Variants in MON2 observed in about 807,000 individuals in gnomAD.
MON2 encodes MON2 regulator of endosome-to-Golgi trafficking.
MON2 carries 84 observed loss-of-function variants against 208.6 expected under a neutral mutation model. The ratio of observed to expected loss-of-function variants is 0.40; its 90% confidence interval spans 0.34 to 0.48. MON2 has a LOEUF of 0.48. MON2 is among the 20% of genes least tolerant of loss of function. The probability of loss-of-function intolerance (pLI) is 0.59; values close to 1 mark genes in which losing one functional copy is unlikely to be tolerated. For synonymous variants in MON2, 660 were observed against 694.0 expected (o/e 0.95, Z 0.77); for missense variants, 1,611 against 2,015.4 (o/e 0.80, Z 3.84).
At chr12:62,560,380 C>A in intron 25 of MON2, 111 bp from the exon 26 acceptor site, 1 of 1,068,998 alleles carries the variant, frequency 9.4e-7, no homozygotes, top group Non-Finnish European at 1.3e-6. Context: ...TTTTCCAGTT[C>A]TGTAGGATTT....
At position 62,597,045 on chromosome 12, in the gene MON2, C is replaced by G. The variant is rs2075540905; in HGVS notation, c.*4296C>G. On this transcript the variant is annotated 3_prime_UTR_variant, in exon 35 of 35. Coordinates refer to ENST00000393630, the MANE Select transcript of MON2 (RefSeq NM_015026.3). ...TCAAAGCGGTTTCCTTATTTCTAAACAGAGATGATGATCAATGAGTTACTA... is the reference window on the plus strand; with the variant it reads ...TCAAAGCGGTTTCCTTATTTCTAAAGAGAGATGATGATCAATGAGTTACTA... 6.6e-6 allele frequency: 1 copy of G among 152,114 alleles called. No homozygotes were observed. The highest frequency in any genetic ancestry group is 1.5e-5 in the Non-Finnish European group (1 of 68,026). The allele number at this position is 152,114 out of a possible 1,614,324, so 9.4% of individuals were successfully genotyped here.
At chr12:62,513,134 C>G (rs902851559) in intron 8 of MON2, among the ~76,000 whole-genome samples, 1 of 152,192 alleles carries the variant, frequency 6.6e-6, no homozygotes, top group African/African-American at 2.4e-5. Context: ...GAGACATTTT[C>G]CCCATTGTCT....
chr12:62,552,226 C>T (rs1018803355), intron 23 of MON2, among the ~76,000 whole-genome samples: 4 of 151,950 alleles, frequency 2.6e-5, no homozygotes, highest in Admixed American at 6.6e-5. Flanking sequence ...CCACGGATAC[C>T]GAGGGACAAC....
intron 1 of MON2, chr12:62,482,869 CA>C (rs1565958798): frequency 2.0e-5 from 3 of 151,776 alleles, no homozygotes; most frequent in Admixed American, 6.6e-5. Context: ...CTGTCTCTAC[CA>C]AAAAAATTGA....
intron 19 of MON2, among the ~76,000 whole-genome samples, chr12:62,539,846 G>A (rs952200555): frequency 8.6e-5 from 13 of 151,910 alleles, no homozygotes; most frequent in African/African-American, 2.4e-4. Flanking sequence ...GTGAAACCCC[G>A]TCTCTACTAA....
chr12:62,576,305 T>A (rs1316073957), intron 30 of MON2, among the ~76,000 whole-genome samples: 4 of 151,322 alleles, frequency 2.6e-5, no homozygotes, highest in Non-Finnish European at 5.9e-5. Context: ...TTCCCAGGAG[T>A]TGAGGGGAAG....
chr12:62,537,913 A>G (rs1203198126), intron 16 of MON2, among the ~76,000 whole-genome samples, 183 bp from the exon 17 acceptor site: 3 of 152,180 alleles, frequency 2.0e-5, no homozygotes, highest in African/African-American at 7.2e-5. Flanking sequence ...GCTCTGCTGC[A>G]TATGTTCGAT....
At chr12:62,518,471 C>T (rs73141031) in intron 8 of MON2, among the ~76,000 whole-genome samples, 5,657 of 152,248 alleles carry the variant, frequency 0.037, 147 homozygotes, top group Middle Eastern at 0.068. Flanking sequence ...TTTTTAGGCT[C>T]CATAACACAC....
intron 30 of MON2, among the ~76,000 whole-genome samples, chr12:62,575,484 T>G (rs1489898587): frequency 6.6e-6 from 1 of 152,232 alleles, no homozygotes; most frequent in African/African-American, 2.4e-5. Context: ...GTAGGAAGAT[T>G]GTTTTGGAAA....
rs186441373 is a variant in MON2, at chr12:62,510,492, A to G, written c.984+2012A>G. On this transcript the variant is annotated intron_variant, in intron 8 of 34. Transcript: ENST00000393630. Reference sequence around the variant, plus strand: ...AAGGACGTTTCAACATACAAGAATCAGTTAATATAATACACTACATTAAAA... The same window carrying G: ...AAGGACGTTTCAACATACAAGAATCGGTTAATATAATACACTACATTAAAA... Among the ~76,000 whole-genome samples, 273 of 152,336 alleles carry G rather than the reference A, an allele frequency of 1.8e-3. 6 individuals carry two copies. Among genetic ancestry groups the G allele is most frequent in the Admixed American group, 0.017 (255 of 15,300 alleles).
chr12:62,544,483 A>T (rs1409837189), intron 20 of MON2, among the ~76,000 whole-genome samples: 1 of 152,050 alleles, frequency 6.6e-6, no homozygotes, highest in Non-Finnish European at 1.5e-5. Context: ...AGAAAAACAG[A>T]TGTACATGAG....
chr12:62,494,984 T>C, intron 3 of MON2, 32 bp from the exon 4 acceptor site: 1 of 1,544,502 alleles, frequency 6.5e-7, no homozygotes, highest in Non-Finnish European at 8.9e-7. Context: ...ATATTGTATT[T>C]GTTGACAATA....
In MON2 at chr12:62,597,437, T is replaced by C. The variant is rs1471049807; in HGVS notation, c.*4688T>C. On this transcript the variant is annotated 3_prime_UTR_variant, in exon 35 of 35. Transcript: ENST00000393630. ...GGTTCTACCACTACAAAGTGGAAAG[T>C]AGAAATACTTTGCACTTTGGCCACT... is the stretch of plus-strand genomic sequence containing the variant. The C allele has an allele frequency of 6.6e-6, 1 of 152,100 alleles. No individual in the cohort carries two copies. Among genetic ancestry groups the C allele is most frequent in the African/African-American group, 2.4e-5 (1 of 41,418 alleles). 9.4% of individuals were successfully genotyped at this position (152,100 alleles called of 1,614,324 possible). A position where few individuals can be genotyped will look rare whatever the true frequency, so the allele number is the denominator to read the frequency against.
intron 26 of MON2, among the ~76,000 whole-genome samples, chr12:62,561,769 A>G (rs2074207576): frequency 6.6e-6 from 1 of 152,196 alleles, no homozygotes; most frequent in Non-Finnish European, 1.5e-5. Context: ...CCAACTGAGT[A>G]GCCAGCCATT....
At chr12:62,508,652 T>G (rs2071231614) in intron 8 of MON2, 172 bp downstream of exon 8, 2 of 589,302 alleles carry the variant, frequency 3.4e-6, no homozygotes, top group Non-Finnish European at 6.0e-6. Flanking sequence ...TTCTTGAATC[T>G]TGCTTATGTT....
chr12:62,532,818 A>G (rs1312140911), intron 12 of MON2, 148 bp downstream of exon 12: 1 of 641,494 alleles, frequency 1.6e-6, no homozygotes, highest in African/African-American at 1.8e-5. Context: ...AATTATATAC[A>G]TGTGACTATA....
intron 7 of MON2, among the ~76,000 whole-genome samples, chr12:62,505,191 G>A (rs1288057297): frequency 2.0e-5 from 3 of 152,184 alleles, no homozygotes; most frequent in African/African-American, 7.2e-5. Flanking sequence ...CTAAGATGGA[G>A]TACTCCATGG....
chr12:62,491,733 T>C (rs930758185), intron 2 of MON2, among the ~76,000 whole-genome samples: 9 of 152,288 alleles, frequency 5.9e-5, no homozygotes, highest in Admixed American at 3.3e-4. Flanking sequence ...TCTCTAAGAT[T>C]ATTGAGATGC....
intron 33 of MON2, 127 bp downstream of exon 33, chr12:62,585,628 T>A: frequency 1.4e-6 from 1 of 705,470 alleles, no homozygotes; most frequent in Non-Finnish European, 2.3e-6. Flanking sequence ...TATAATCTTA[T>A]TTATCCCATA....
Sources: gnomAD v4.1 joint callset for allele counts (sites outside exome capture counted in the v4.1 genomes callset) on GRCh38, gnomAD v4.1.1 for gene constraint, MANE v1.5 for transcripts, NCBI Gene and HGNC (gene_info 2026-07-23, HGNC 2026-07-21) for gene names.